SGCZ: variants seen among roughly 807,000 people sequenced by gnomAD.
SGCZ encodes the protein sarcoglycan zeta, also known as zeta-sarcoglycan.
SGCZ carries 40 observed loss-of-function variants against 41.3 expected under a neutral mutation model. That is an observed-to-expected ratio of 0.97 (90% CI 0.75 to 1.26). The LOEUF (loss-of-function observed/expected upper bound fraction) is 1.26. Ranked by LOEUF, SGCZ falls within the 50% of genes most tolerant of loss-of-function variation. The pLI is 0.00. For synonymous variants in SGCZ, 206 were observed against 137.5 expected (o/e 1.50, Z -3.49); for missense variants, 552 against 369.8 (o/e 1.49, Z -4.04).
intron 1 of SGCZ, among the ~76,000 whole-genome samples, chr8:15,156,623 A>T (rs1799336899): frequency 6.6e-6 from 1 of 152,214 alleles, no homozygotes; most frequent in South Asian, 2.1e-4. Flanking sequence ...AAAGCTCCTT[A>T]TCTTTGCAAT....
intron 6 of SGCZ, among the ~76,000 whole-genome samples, chr8:14,106,101 C>A (rs1802194441): frequency 6.6e-6 from 1 of 152,096 alleles, no homozygotes; most frequent in Non-Finnish European, 1.5e-5. Context: ...TAGTTAATGT[C>A]CTCATTTTTC....
At chr8:14,148,683 A>C (rs551080655) in intron 5 of SGCZ, among the ~76,000 whole-genome samples, 1 of 152,296 alleles carries the variant, frequency 6.6e-6, no homozygotes, top group East Asian at 1.9e-4. Context: ...TTCCAAACTC[A>C]TTCTATACAA....
chr8:14,470,413 G>A (rs1261442227), intron 2 of SGCZ, among the ~76,000 whole-genome samples: 1 of 152,010 alleles, frequency 6.6e-6, no homozygotes, highest in Non-Finnish European at 1.5e-5. Context: ...TGAGGTAGAT[G>A]CTATTATTAA....
intron 2 of SGCZ, among the ~76,000 whole-genome samples, chr8:14,547,057 G>A (rs1803652517): frequency 6.6e-6 from 1 of 151,942 alleles, no homozygotes; most frequent in Non-Finnish European, 1.5e-5. Flanking sequence ...GGGCTCTCTG[G>A]CATCTTAAAC....
chr8:14,311,380 C>T (rs550184691), intron 3 of SGCZ, among the ~76,000 whole-genome samples: 1 of 152,180 alleles, frequency 6.6e-6, no homozygotes, highest in Middle Eastern at 3.4e-3. Flanking sequence ...TACTACCATC[C>T]TGTCCCTGGT....
At chr8:15,237,171 G>A (rs1317322887) in intron 1 of SGCZ, among the ~76,000 whole-genome samples, 2 of 152,192 alleles carry the variant, frequency 1.3e-5, no homozygotes, top group African/African-American at 2.4e-5. Context: ...GATCGGAGCC[G>A]GGAAGAGGAG....
At chr8:14,142,225 G>C (rs201559657) in intron 5 of SGCZ, among the ~76,000 whole-genome samples, 1 of 152,066 alleles carries the variant, frequency 6.6e-6, no homozygotes, top group East Asian at 1.9e-4. Flanking sequence ...TAAATGACGA[G>C]TTAAGGGGTG....
At chr8:14,648,229 G>A (rs537204133) in intron 1 of SGCZ, among the ~76,000 whole-genome samples, 1 of 152,176 alleles carries the variant, frequency 6.6e-6, no homozygotes, top group South Asian at 2.1e-4. Context: ...CTTTAAAACA[G>A]ATAGGGTTAG....
intron 1 of SGCZ, among the ~76,000 whole-genome samples, chr8:15,206,084 G>A (rs1210895620): frequency 6.6e-6 from 1 of 152,104 alleles, no homozygotes; most frequent in Non-Finnish European, 1.5e-5. Flanking sequence ...TGGATACTGG[G>A]CTGGATACCT....
At chr8:14,556,040 A>G (rs1804025274) in intron 1 of SGCZ, among the ~76,000 whole-genome samples, 1 of 151,976 alleles carries the variant, frequency 6.6e-6, no homozygotes, top group Non-Finnish European at 1.5e-5. Context: ...AGGTTCTAGA[A>G]TTAATTCTTT....
At chr8:14,479,267 A>G (rs1246992330) in intron 2 of SGCZ, among the ~76,000 whole-genome samples, 2 of 114,774 alleles carry the variant, frequency 1.7e-5, no homozygotes, top group African/African-American at 6.1e-5. Context: ...GAGTCCAAAA[A>G]CTGAAGAACT....
intron 7 of SGCZ, among the ~76,000 whole-genome samples, chr8:14,099,717 C>CTCTG (rs1220189689): frequency 6.6e-6 from 1 of 151,518 alleles, no homozygotes; most frequent in Non-Finnish European, 1.5e-5. Flanking sequence ...AAGAGCGAGA[C>CTCTG]TCTGTCTCAA....
chr8:15,159,924 T>A (rs1336395832), intron 1 of SGCZ, among the ~76,000 whole-genome samples: 5 of 151,720 alleles, frequency 3.3e-5, no homozygotes, highest in Non-Finnish European at 7.4e-5. Flanking sequence ...AATAGGCACT[T>A]AGGGGGAAAA....
At chr8:14,762,167 T>C (rs958875772) in intron 1 of SGCZ, among the ~76,000 whole-genome samples, 2 of 152,078 alleles carry the variant, frequency 1.3e-5, no homozygotes, top group African/African-American at 4.8e-5. Context: ...ACATACTGAA[T>C]ATTCATTTCT....
chr8:14,407,530 A>G, intron 2 of SGCZ, among the ~76,000 whole-genome samples: 1 of 152,286 alleles, frequency 6.6e-6, no homozygotes, highest in East Asian at 1.9e-4. Flanking sequence ...TAATTGTAAA[A>G]AAATTAAATA....
At position 14,642,321 on chromosome 8, in the gene SGCZ, A is replaced by C. The variant is rs143690702; in HGVS notation, c.40-87395T>G. On this transcript the variant is annotated intron_variant, in intron 1 of 7. Transcript: ENST00000382080. ...GTTTCTATAGCTGTTATAAAATTAT[A>C]TAAGAACTATACCATCTCCTTGTTA... Among the ~76,000 whole-genome samples the C allele has an allele frequency of 1.1e-3, 163 of 151,802 alleles. 1 individual carries two copies. The highest frequency in any genetic ancestry group is 1.2e-3 in the Non-Finnish European group (78 of 67,754).
At chr8:14,716,053 T>C (rs1385632070) in intron 1 of SGCZ, among the ~76,000 whole-genome samples, 5 of 152,092 alleles carry the variant, frequency 3.3e-5, no homozygotes, top group African/African-American at 1.2e-4. Context: ...ATCTTAGAAA[T>C]GCTTCGGAAA....
At chr8:14,502,647 A>T (rs1260486702) in intron 2 of SGCZ, among the ~76,000 whole-genome samples, 7 of 152,196 alleles carry the variant, frequency 4.6e-5, no homozygotes, top group Non-Finnish European at 1.0e-4. Flanking sequence ...GGCGAAGAAT[A>T]GAAAGACACT....
In SGCZ at chr8:14,365,783, T is replaced by A. The variant is rs369840232; in HGVS notation, c.235-41579A>T. On this transcript the variant is annotated intron_variant, in intron 2 of 7. Coordinates refer to ENST00000382080, the MANE Select transcript of SGCZ (RefSeq NM_139167.4). ...TGTTTTTCCAAAAATTTAGTCATTT[T>A]ATTTAAATGTCAAATTTATTGGGAT... Among the ~76,000 whole-genome samples the A allele has an allele frequency of 1.1e-4, 17 of 152,270 alleles. No homozygotes were observed. In the East Asian group the frequency reaches 3.3e-3, roughly 29 times the overall value.
Sources: allele counts gnomAD v4.1 joint callset (sites outside exome capture counted in the v4.1 genomes callset), GRCh38; gene constraint gnomAD v4.1.1; transcripts MANE v1.5; gene names NCBI Gene and HGNC (gene_info 2026-07-23, HGNC 2026-07-21).